CDH2: variants seen among roughly 807,000 people sequenced by gnomAD.
The protein encoded by CDH2 is cadherin-2.
A neutral mutation model predicts 92.0 loss-of-function variants in CDH2; 17 were observed. The observed-to-expected ratio is 0.18, with a 90% CI of 0.13 to 0.28. The LOEUF is 0.28. Ranked by LOEUF, CDH2 falls within the 10% of genes least tolerant of loss-of-function variation. The pLI, the probability that CDH2 is intolerant of heterozygous loss-of-function variation, is 1.00. For synonymous variants in CDH2, 419 were observed against 415.9 expected, an observed-to-expected ratio of 1.01 and a Z score of -0.09; for missense variants, 862 against 1,133.1, an observed-to-expected ratio of 0.76 and a Z score of 3.44.
Position 27,991,711 on chromosome 18 carries a change from A to G in CDH2, c.1344+944T>C, listed in dbSNP as rs17522333. ...GCTGGGACTCTAACACAGACAGCAG[A>G]CTCAAGTTGGTGCTTTTGATCACTA... On this transcript the variant is annotated intron_variant, in intron 9 of 15. Coordinates refer to ENST00000269141, the MANE Select transcript of CDH2 (RefSeq NM_001792.5). 2.4e-3 allele frequency among the ~76,000 whole-genome samples: 372 copies of G among 152,256 alleles called. 6 individuals carry two copies. Among genetic ancestry groups the G allele is most frequent in the African/African-American group, 8.4e-3 (348 of 41,540 alleles).
chr18:28,058,177 A>C (rs1316907274), intron 2 of CDH2, among the ~76,000 whole-genome samples: 1 of 152,244 alleles, frequency 6.6e-6, no homozygotes, highest in African/African-American at 2.4e-5. Flanking sequence ...ATACAATAAC[A>C]GTAAAACCTC....
intron 1 of CDH2, among the ~76,000 whole-genome samples, chr18:28,174,731 C>T (rs980349429): frequency 6.6e-6 from 1 of 152,208 alleles, no homozygotes; most frequent in Non-Finnish European, 1.5e-5. Context: ...CCACTTGTAA[C>T]ACACATAGAT....
intron 2 of CDH2, among the ~76,000 whole-genome samples, chr18:28,114,364 A>C (rs146149618): frequency 6.6e-6 from 1 of 152,274 alleles, no homozygotes; most frequent in Non-Finnish European, 1.5e-5. Context: ...ATGGGGCAAG[A>C]GAACTGGATC....
At chr18:27,990,394 T>C (rs745637949) in intron 9 of CDH2, 44 bp from the exon 10 acceptor site, 6 of 1,568,822 alleles carry the variant, frequency 3.8e-6, no homozygotes, top group South Asian at 2.3e-5. Flanking sequence ...GAAATAAGAA[T>C]GCTTGCATTC....
chr18:28,142,157 C>T (rs1289801039), intron 2 of CDH2, among the ~76,000 whole-genome samples: 1 of 151,950 alleles, frequency 6.6e-6, no homozygotes, highest in Admixed American at 6.6e-5. Flanking sequence ...ACGGCCTGTG[C>T]GATCTTAAAA....
chr18:27,962,063 A>G (rs2011419133), intron 15 of CDH2, among the ~76,000 whole-genome samples: 1 of 152,252 alleles, frequency 6.6e-6, no homozygotes, highest in Admixed American at 6.5e-5. Flanking sequence ...GATGACAAAC[A>G]TGAAATTAGA....
chr18:28,084,746 G>T (rs539794324), intron 2 of CDH2, among the ~76,000 whole-genome samples: 54 of 152,050 alleles, frequency 3.6e-4, no homozygotes, highest in Non-Finnish European at 5.7e-4. Flanking sequence ...AGCAAAGCAC[G>T]ATCTCTCATT....
In CDH2 at chr18:28,003,215, G is replaced by C. The variant is rs745912534; in HGVS notation, c.848-46C>G. 7 of 1,453,270 alleles carry C rather than the reference G, an allele frequency of 4.8e-6. No homozygotes were observed. The South Asian group carries it at 7.2e-5, about 15-fold the overall frequency. 90.0% of individuals were successfully genotyped at this position (1,453,270 alleles called of 1,614,324 possible). A position where few individuals can be genotyped will look rare whatever the true frequency, so the allele number is the denominator to read the frequency against. ...AAATGAATGGTTACCCTTCATTCCA[G>C]GGACCCCAAAATAGAAGGTATATTT... On this transcript the variant is annotated intron_variant, in intron 6 of 15. Coordinates refer to ENST00000269141, the MANE Select transcript of CDH2 (RefSeq NM_001792.5).
At chr18:28,151,472 AAC>A (rs2016120485) in intron 1 of CDH2, among the ~76,000 whole-genome samples, 1 of 152,222 alleles carries the variant, frequency 6.6e-6, no homozygotes, top group African/African-American at 2.4e-5. Context: ...TCAAAATGTC[AAC>A]AGAGCCAAGG....
chr18:28,170,102 T>C (rs943801408), intron 1 of CDH2, among the ~76,000 whole-genome samples: 2 of 152,244 alleles, frequency 1.3e-5, no homozygotes, highest in African/African-American at 4.8e-5. Flanking sequence ...TGGAAACGTA[T>C]CCATTATTTA....
chr18:27,956,746 T>C (rs955508513), intron 15 of CDH2, among the ~76,000 whole-genome samples: 1 of 152,126 alleles, frequency 6.6e-6, no homozygotes, highest in African/African-American at 2.4e-5. Context: ...CCCCCGACAA[T>C]GGGCAAAATG....
At chr18:28,015,861 A>G (rs971426108) in intron 2 of CDH2, among the ~76,000 whole-genome samples, 2 of 152,186 alleles carry the variant, frequency 1.3e-5, no homozygotes, top group African/African-American at 4.8e-5. Context: ...AACCTAGAGT[A>G]CAATGCTCTC....
intron 2 of CDH2, among the ~76,000 whole-genome samples, chr18:28,034,120 C>T (rs1356159712): frequency 2.0e-5 from 3 of 151,892 alleles, no homozygotes; most frequent in Admixed American, 6.6e-5. Context: ...GCCAGTAAAC[C>T]GAGTTATGGT....
intron 2 of CDH2, among the ~76,000 whole-genome samples, chr18:28,055,630 TA>T: frequency 6.6e-6 from 1 of 152,214 alleles, no homozygotes; most frequent in Non-Finnish European, 1.5e-5. Context: ...CTAAAATTTA[TA>T]AAGAGCTTTA....
intron 8 of CDH2, 129 bp from the exon 9 acceptor site, chr18:27,992,969 G>C: frequency 1.8e-6 from 1 of 552,738 alleles, no homozygotes; most frequent in Non-Finnish European, 3.1e-6. Context: ...TGAGGAGACT[G>C]ATAATGCAGG....
chr18:28,007,784 A>G (rs2012983391), intron 5 of CDH2, among the ~76,000 whole-genome samples: 1 of 152,122 alleles, frequency 6.6e-6, no homozygotes, highest in Non-Finnish European at 1.5e-5. Flanking sequence ...GTAAGAGTGC[A>G]TTGGCACGAT....
At chr18:27,942,476 G>A (rs761935927) in intron 6 of CDH2, among the ~76,000 whole-genome samples, 13 of 152,158 alleles carry the variant, frequency 8.5e-5, no homozygotes, top group Non-Finnish European at 1.6e-4. Flanking sequence ...AGCCATTAAA[G>A]GGCACAGGTG....
chr18:27,958,581 A>T lies in CDH2; in HGVS notation c.2514+4776T>A, dbSNP rs938167027. Among the ~76,000 whole-genome samples the T allele has an allele frequency of 2.0e-5, 3 of 150,168 alleles. No individual in the cohort carries two copies. The Admixed American group carries it at 2.0e-4, about 10-fold the overall frequency. Reference sequence around the variant, plus strand: ...TTTATATATGTGTATATTTGTATATACACATATATAAATAAGTGTATATTT... The same window carrying T: ...TTTATATATGTGTATATTTGTATATTCACATATATAAATAAGTGTATATTT... On this transcript the variant is annotated intron_variant, in intron 15 of 15. Transcript: ENST00000269141.
intron 6 of CDH2, among the ~76,000 whole-genome samples, chr18:27,942,348 T>C (rs1014872910): frequency 6.6e-6 from 1 of 152,230 alleles, no homozygotes; most frequent in African/African-American, 2.4e-5. Context: ...CATGAACATG[T>C]CTTCCTAATA....
Sources: gnomAD v4.1 joint callset for allele counts (sites outside exome capture counted in the v4.1 genomes callset) on GRCh38, gnomAD v4.1.1 for gene constraint, MANE v1.5 for transcripts, NCBI Gene and HGNC (gene_info 2026-07-23, HGNC 2026-07-21) for gene names.